The following SDC1 variants were observed in gnomAD, a reference collection of about 807,000 sequenced individuals.
SDC1 encodes syndecan-1.
SDC1 carries 14 observed loss-of-function variants against 29.7 expected under a neutral mutation model. That is an observed-to-expected ratio of 0.47 (90% CI 0.31 to 0.74). The LOEUF is 0.74. Among genes scored for constraint, SDC1 ranks in the 30% least tolerant of loss-of-function variants. SDC1 has a pLI of 0.05. For synonymous variants in SDC1, 204 were observed against 175.5 expected, an observed-to-expected ratio of 1.16 and a Z score of -1.29; for missense variants, 406 against 400.3, an observed-to-expected ratio of 1.01 and a Z score of -0.12.
chr2:20,205,983 G>A (rs1677257826), intron 1 of SDC1, among the ~76,000 whole-genome samples: 1 of 152,368 alleles, frequency 6.6e-6, no homozygotes, highest in Middle Eastern at 3.4e-3. Flanking sequence ...GGCAGGGGCA[G>A]GGCTGGGCAC....
At chr2:20,214,269 G>C (rs1677566043) in intron 1 of SDC1, among the ~76,000 whole-genome samples, 1 of 152,202 alleles carries the variant, frequency 6.6e-6, no homozygotes, top group African/African-American at 2.4e-5. Context: ...CAATGGGCTA[G>C]CCTGGGAACC....
intron 1 of SDC1, among the ~76,000 whole-genome samples, chr2:20,205,708 A>T (rs1193606487): frequency 6.6e-6 from 1 of 151,904 alleles, no homozygotes; most frequent in Non-Finnish European, 1.5e-5. Flanking sequence ...CTGGTGAGGG[A>T]GCTCCAGACC....
At position 20,224,897 on chromosome 2, in the gene SDC1, A is replaced by T; in HGVS notation, c.-30T>A. 1 of 1,210,756 alleles carries T rather than the reference A, an allele frequency of 8.3e-7. No individual in the cohort carries two copies. Among genetic ancestry groups the T allele is most frequent in the Non-Finnish European group, 1.0e-6 (1 of 975,196 alleles). The allele number at this position is 1,210,756 out of a possible 1,614,324, so 75.0% of individuals were successfully genotyped here. A position where few individuals can be genotyped will look rare whatever the true frequency, so the allele number is the denominator to read the frequency against. ...CCCGGACCGGCGGCGGGAGAGCGGCAGGCTGCGCGGGTCGCGGCTGCGGGC... is the reference window on the plus strand; with the variant it reads ...CCCGGACCGGCGGCGGGAGAGCGGCTGGCTGCGCGGGTCGCGGCTGCGGGC... On this transcript the variant is annotated 5_prime_UTR_variant, in exon 1 of 5. Coordinates refer to ENST00000254351, the MANE Select transcript of SDC1 (RefSeq NM_002997.5). This position sits in a 1 kb window ranked among gnomAD's most constrained non-coding sequence, Gnocchi z 4.9.
Position 20,203,907 on chromosome 2 carries a change from G to A in SDC1, c.533C>T (p.Pro178Leu). 1 of 1,613,922 alleles carries A rather than the reference G, an allele frequency of 6.2e-7. No homozygotes were observed. The highest frequency in any genetic ancestry group is 8.5e-7 in the Non-Finnish European group (1 of 1,179,954). The change falls in exon 3 of 5, where the codon CCC becomes CTC. Residue 178 changes from proline to leucine, a missense_variant. Physicochemically the swap from Pro to Leu is moderately conservative, Grantham distance 98. Coordinates refer to ENST00000254351, the MANE Select transcript of SDC1 (RefSeq NM_002997.5). ...AGAAGGACCTCCATCCTCTGTGTGG[G>A]GAGTGTGAAGGTCAGCTTGGCTGGG... is the stretch of plus-strand genomic sequence containing the variant. ...AGPSQADLHT[P>L]HTEDGGPSAT...
At position 20,201,681 on chromosome 2, in the gene SDC1, A is replaced by G; in HGVS notation, c.*1085T>C. The G allele has an allele frequency of 6.5e-6, 1 of 152,898 alleles. No individual in the cohort carries two copies. The highest frequency in any genetic ancestry group is 1.5e-5 in the Non-Finnish European group (1 of 68,114). 9.5% of individuals were successfully genotyped at this position (152,898 alleles called of 1,614,324 possible). ...AACCTGGCCTTGGATGGAGGCGCTC[A>G]GAGCCAGCTCTGCCCAAGACACCCC... is the stretch of plus-strand genomic sequence containing the variant. On this transcript the variant is annotated 3_prime_UTR_variant, in exon 5 of 5. Coordinates refer to ENST00000254351, the MANE Select transcript of SDC1 (RefSeq NM_002997.5).
chr2:20,218,728 C>T (rs1677716321), intron 1 of SDC1, among the ~76,000 whole-genome samples: 1 of 151,578 alleles, frequency 6.6e-6, no homozygotes, highest in Non-Finnish European at 1.5e-5. Flanking sequence ...GAGGGACACA[C>T]ACACGTACAT....
chr2:20,207,798 GC>G (rs1677327658), intron 1 of SDC1: 1 of 231,346 alleles, frequency 4.3e-6, no homozygotes, highest in Non-Finnish European at 7.1e-6. Flanking sequence ...TCCATGTGGT[GC>G]TTCAAACACC....
At chr2:20,212,327 G>A (rs1318489996) in intron 1 of SDC1, among the ~76,000 whole-genome samples, 2 of 152,366 alleles carry the variant, frequency 1.3e-5, no homozygotes, top group South Asian at 4.1e-4. Flanking sequence ...TCTGTACAAC[G>A]GAGGTTTGGC....
Position 20,203,125 on chromosome 2 carries a change from G to T in SDC1, c.725C>A (p.Ala242Asp). 6.2e-7 allele frequency: 1 copy of T among 1,611,772 alleles called. No homozygotes were observed. The highest frequency in any genetic ancestry group is 8.5e-7 in the Non-Finnish European group (1 of 1,178,518). Residue 242 changes from alanine (A) to aspartate (D), a missense_variant, in exon 4 of 5, where the codon GCC becomes GAC. By Grantham distance (126) the Ala-to-Asp change is moderately radical. Transcript: ENST00000254351. ...TTTCCTGTCCAGGAGGCCCTGTGAG[G>T]CCCCCGTGGCCCCCTGATCCACTGG... ...QSPVDQGATGASQGLLDRKEV... is the reference protein window; with the variant it reads ...QSPVDQGATGDSQGLLDRKEV...
In SDC1 at chr2:20,219,475, C is replaced by T. The variant is rs192265402; in HGVS notation, c.66+5327G>A. On this transcript the variant is annotated intron_variant, in intron 1 of 4. Transcript: ENST00000254351. ...AGTAGCCCCAAGCCCAGGGTCTTGC[C>T]TCTGCGGCCTCACCTCTACAACCTG... is the stretch of plus-strand genomic sequence containing the variant. Among the ~76,000 whole-genome samples the T allele has an allele frequency of 3.2e-3, 492 of 152,346 alleles. 3 individuals are homozygous for T. The highest frequency in any genetic ancestry group is 4.9e-3 in the Non-Finnish European group (333 of 68,028).
intron 1 of SDC1, among the ~76,000 whole-genome samples, chr2:20,209,495 G>T (rs972631503): frequency 1.3e-5 from 2 of 152,238 alleles, no homozygotes; most frequent in Non-Finnish European, 2.9e-5. Context: ...GCCTGCCCCA[G>T]TGGTGACGCT....
In SDC1 at chr2:20,203,071, C is replaced by G. The variant is rs375061107; in HGVS notation, c.763+16G>C. ...CAGCAATTCACCCCAAACTACCCCCCTGAAAGAAAACTCACCTCCCAGCAC... is the reference window on the plus strand; with the variant it reads ...CAGCAATTCACCCCAAACTACCCCCGTGAAAGAAAACTCACCTCCCAGCAC... On this transcript the variant is annotated intron_variant, in intron 4 of 4. Coordinates refer to ENST00000254351, the MANE Select transcript of SDC1 (RefSeq NM_002997.5). 17 of 1,588,874 alleles carry G rather than the reference C, an allele frequency of 1.1e-5. No homozygotes were observed. In the African/African-American group the frequency reaches 1.9e-4, roughly 18 times the overall value.
Position 20,204,745 on chromosome 2 carries a change from C to A in SDC1, c.149-454G>T, listed in dbSNP as rs185089869. ...CTCTCAGGCCTCCGCTAGGTCACTT[C>A]CCCAGGGATGACCTCAGCCTCCTTC... is the stretch of plus-strand genomic sequence containing the variant. On this transcript the variant is annotated intron_variant, in intron 2 of 4. Transcript: ENST00000254351. Among the ~76,000 whole-genome samples the A allele has an allele frequency of 1.5e-3, 221 of 152,262 alleles. 2 individuals are homozygous for A. Among genetic ancestry groups the A allele is most frequent in the Non-Finnish European group, 1.4e-3 (97 of 68,012 alleles).
intron 1 of SDC1, among the ~76,000 whole-genome samples, chr2:20,222,110 C>CAGAG (rs1553347275): frequency 1.6e-3 from 249 of 151,200 alleles, no homozygotes; most frequent in African/African-American, 6.0e-3. Context: ...CACACACACA[C>CAGAG]AGAGAGAAAG....
chr2:20,218,762 GAC>G (rs1178027529), intron 1 of SDC1, among the ~76,000 whole-genome samples: 1 of 147,658 alleles, frequency 6.8e-6, no homozygotes, highest in East Asian at 2.0e-4. Context: ...CAGATGCATG[GAC>G]ACACACACAG....
Position 20,203,116 on chromosome 2 carries a change from C to T in SDC1, c.734G>A (p.Gly245Asp), listed in dbSNP as rs1483349132. The T allele has an allele frequency of 2.5e-6, 4 of 1,611,872 alleles. No individual in the cohort carries two copies. Among genetic ancestry groups the T allele is most frequent in the South Asian group, 1.1e-5 (1 of 90,992 alleles). ...VDQGATGASQ[G>D]LLDRKEVLGG... ...CAGCACCTCTTTCCTGTCCAGGAGG[C>T]CCTGTGAGGCCCCCGTGGCCCCCTG... The change falls in exon 4 of 5, where the codon GGC becomes GAC. Residue 245 changes from glycine to aspartate, a missense_variant. Gly to Asp is a moderately conservative substitution (Grantham distance 94). Coordinates refer to ENST00000254351, the MANE Select transcript of SDC1 (RefSeq NM_002997.5).
chr2:20,207,811 G>C (rs984940555), intron 1 of SDC1: 4 of 309,482 alleles, frequency 1.3e-5, no homozygotes, highest in African/African-American at 9.0e-5. Context: ...TCAAACACCT[G>C]TGCTGCCTTC....
intron 1 of SDC1, among the ~76,000 whole-genome samples, chr2:20,215,515 T>C (rs1209851243): frequency 6.6e-6 from 1 of 152,228 alleles, no homozygotes; most frequent in Non-Finnish European, 1.5e-5. Flanking sequence ...CAGCAGGCCA[T>C]TCACACAGAG....
chr2:20,219,265 A>G (rs1437109478), intron 1 of SDC1, among the ~76,000 whole-genome samples: 1 of 152,048 alleles, frequency 6.6e-6, no homozygotes, highest in African/African-American at 2.4e-5. Flanking sequence ...TACTGACCAC[A>G]GGCAAGCTGA....
Sources: allele counts gnomAD v4.1 joint callset (sites outside exome capture counted in the v4.1 genomes callset), GRCh38; gene constraint gnomAD v4.1.1; non-coding constraint Gnocchi (gnomAD v3.1); transcripts MANE v1.5; gene names NCBI Gene and HGNC (gene_info 2026-07-23, HGNC 2026-07-21).